Variants in MYO1E observed in about 807,000 individuals in gnomAD.
The protein encoded by MYO1E is myosin IE, also known as unconventional myosin-Ie.
MYO1E carries 68 observed loss-of-function variants against 151.1 expected under a neutral mutation model. The observed-to-expected ratio is 0.45, with a 90% CI of 0.37 to 0.55. The LOEUF is 0.55. Among genes scored for constraint, MYO1E ranks in the 20% least tolerant of loss-of-function variants. MYO1E has a pLI of 0.00. For missense variants in MYO1E, 1,363 were observed against 1,389.3 expected (o/e 0.98, Z 0.30); for synonymous variants, 601 against 501.7 (o/e 1.20, Z -2.64).
chr15:59,160,093 C>T (rs1462026818), intron 24 of MYO1E, among the ~76,000 whole-genome samples: 2 of 152,122 alleles, frequency 1.3e-5, no homozygotes, highest in East Asian at 3.9e-4. Flanking sequence ...GCCTCGGCCT[C>T]CCAAAGTGCA....
In MYO1E at chr15:59,261,498, T is replaced by A; in HGVS notation, c.159A>T (p.Gly53=). The A allele has an allele frequency of 6.3e-7, 1 of 1,598,820 alleles. No homozygotes were observed. Among genetic ancestry groups the A allele is most frequent in the Non-Finnish European group, 8.6e-7 (1 of 1,166,338 alleles). The part of the protein sequence containing the change: ...YMDDYIFTYI[G]SVLISVNPFK... The stretch of plus-strand genomic sequence containing the variant: ...AAGGGTTGACTGAGATTAATACAGA[T>A]CCTATATATGTCTGAATTTAACTCA... Residue 53 remains glycine, a synonymous_variant, in exon 3 of 28, where the codon GGA becomes GGT. Coordinates refer to ENST00000288235, the MANE Select transcript of MYO1E (RefSeq NM_004998.4).
At position 59,372,744 on chromosome 15, in the gene MYO1E, G is replaced by C. The variant is rs1428090216; in HGVS notation, c.-244C>G. The C allele has an allele frequency of 5.4e-6, 3 of 560,202 alleles. No homozygotes were observed. Among genetic ancestry groups the C allele is most frequent in the Non-Finnish European group, 9.4e-6 (3 of 318,838 alleles). The allele number at this position is 560,202 out of a possible 1,614,324, so 34.7% of individuals were successfully genotyped here. ...GCGGGGCGCATGCTGCGGAGGGCAA[G>C]AGTCCACTCGTACTCGCCGGTCGCC... On this transcript the variant is annotated 5_prime_UTR_variant, in exon 1 of 28. Transcript: ENST00000288235.
At chr15:59,320,837 A>AC (rs2080621275) in intron 1 of MYO1E, among the ~76,000 whole-genome samples, 1 of 152,244 alleles carries the variant, frequency 6.6e-6, no homozygotes, top group South Asian at 2.1e-4. Flanking sequence ...GACAGGTGGA[A>AC]CCTGATTAAA....
At chr15:59,214,615 C>G (rs775959482) in intron 11 of MYO1E, 25 bp downstream of exon 11, 1 of 1,559,644 alleles carries the variant, frequency 6.4e-7, no homozygotes, top group South Asian at 1.1e-5. Flanking sequence ...CCTCCTCAAC[C>G]CCTAGTTATT....
At chr15:59,226,447 G>A (rs2079992050) in intron 7 of MYO1E, among the ~76,000 whole-genome samples, 1 of 152,148 alleles carries the variant, frequency 6.6e-6, no homozygotes, top group Non-Finnish European at 1.5e-5. Context: ...TAAGTAAATA[G>A]AACATAAAAA....
At chr15:59,169,043 A>T (rs2079577132) in intron 22 of MYO1E, among the ~76,000 whole-genome samples, 1 of 152,228 alleles carries the variant, frequency 6.6e-6, no homozygotes, top group Non-Finnish European at 1.5e-5. Context: ...CATACCAAAT[A>T]TTTAGTCATG....
rs2079710487 is a variant in MYO1E, at chr15:59,188,170, C to T, written c.1852G>A (p.Val618Met). 2 of 1,614,174 alleles carry T rather than the reference C, an allele frequency of 1.2e-6. No individual in the cohort carries two copies. The highest frequency in any genetic ancestry group is 2.2e-5 in the East Asian group (1 of 44,890). ...CGATAGGCATAGCCAGCTCTTCTCACTCGAATGTTCTCTTTCAGACCCAAA... is the reference window on the plus strand; with the variant it reads ...CGATAGGCATAGCCAGCTCTTCTCATTCGAATGTTCTCTTTCAGACCCAAA... ...EYLGLKENIR[V>M]RRAGYAYRRI... The change falls in exon 18 of 28, where the codon GTG (valine) becomes ATG (methionine). Residue 618 changes from valine to methionine, a missense_variant. By Grantham distance (21) the Val-to-Met change is conservative. Transcript: ENST00000288235.
At chr15:59,172,069 T>C in intron 21 of MYO1E, 27 bp from the exon 22 acceptor site, 1 of 1,611,970 alleles carries the variant, frequency 6.2e-7, no homozygotes, top group South Asian at 1.1e-5. Flanking sequence ...TTTAAGAAGC[T>C]GGACAGGCCA....
intron 22 of MYO1E, among the ~76,000 whole-genome samples, chr15:59,164,078 C>T (rs964882656): frequency 3.3e-5 from 5 of 152,170 alleles, no homozygotes; most frequent in African/African-American, 4.8e-5. Flanking sequence ...GGCAGAGAGA[C>T]GCTGAGGCAG....
At chr15:59,256,093 A>T (rs2080192367) in intron 4 of MYO1E, among the ~76,000 whole-genome samples, 191 bp downstream of exon 4, 2 of 152,238 alleles carry the variant, frequency 1.3e-5, no homozygotes, top group Admixed American at 1.3e-4. Context: ...CAAAAGTTTT[A>T]TGATATGGAG....
chr15:59,304,598 G>T (rs1343903435), intron 1 of MYO1E, among the ~76,000 whole-genome samples: 1 of 152,164 alleles, frequency 6.6e-6, no homozygotes, highest in Non-Finnish European at 1.5e-5. Context: ...AATGGATGTT[G>T]CATCATGGAT....
At chr15:59,285,407 G>C (rs545419049) in intron 1 of MYO1E, among the ~76,000 whole-genome samples, 23 of 144,032 alleles carry the variant, frequency 1.6e-4, no homozygotes, top group African/African-American at 5.4e-4. Context: ...GCCCAGGCTG[G>C]AGTGCAGTGG....
chr15:59,314,556 ATG>A (rs1199163048), intron 1 of MYO1E, among the ~76,000 whole-genome samples: 2 of 152,158 alleles, frequency 1.3e-5, no homozygotes, highest in Non-Finnish European at 2.9e-5. Flanking sequence ...ACTCCCAGAA[ATG>A]GTATAATGGA....
chr15:59,148,425 T>C (rs1369229385), intron 26 of MYO1E, among the ~76,000 whole-genome samples: 4 of 152,190 alleles, frequency 2.6e-5, no homozygotes, highest in Admixed American at 6.5e-5. Context: ...CTTTCGAATA[T>C]CACCTCTTTG....
At chr15:59,321,057 G>A (rs1253230078) in intron 1 of MYO1E, among the ~76,000 whole-genome samples, 1 of 151,804 alleles carries the variant, frequency 6.6e-6, no homozygotes, top group Non-Finnish European at 1.5e-5. Flanking sequence ...CAAACAAGAC[G>A]TACAAACTGT....
chr15:59,346,532 C>G (rs139031069), intron 1 of MYO1E, among the ~76,000 whole-genome samples: 2 of 152,176 alleles, frequency 1.3e-5, no homozygotes, highest in South Asian at 4.2e-4. Flanking sequence ...ATTATAAGAA[C>G]TATGGATAAA....
chr15:59,236,676 A>G lies in MYO1E; in HGVS notation c.333-4T>C, dbSNP rs1360664807. 1.2e-6 allele frequency: 2 copies of G among 1,609,098 alleles called. No individual in the cohort carries two copies. Among genetic ancestry groups the G allele is most frequent in the Non-Finnish European group, 8.5e-7 (1 of 1,175,678 alleles). On this transcript the variant is annotated splice_region_variant and splice_polypyrimidine_tract_variant and intron_variant, in intron 4 of 27. Transcript: ENST00000288235. ...TTTTCCAGCACCACTTTCACCACTA[A>G]AGAAAGACAGACAAAGAATCCACCT...
intron 24 of MYO1E, 70 bp from the exon 25 acceptor site, chr15:59,158,449 A>G: frequency 1.6e-6 from 2 of 1,256,466 alleles, no homozygotes; most frequent in East Asian, 2.5e-5. Context: ...GGTTCTTTGC[A>G]TATGGAAAAT....
chr15:59,360,589 T>TA lies in MYO1E; in HGVS notation c.3+11908dup, dbSNP rs2080879551. Among the ~76,000 whole-genome samples the TA allele has an allele frequency of 6.6e-5, 10 of 152,354 alleles. No individual in the cohort carries two copies. The South Asian group carries it at 1.9e-3, about 28-fold the overall frequency. On this transcript the variant is annotated intron_variant, in intron 1 of 27. Coordinates refer to ENST00000288235, the MANE Select transcript of MYO1E (RefSeq NM_004998.4). ...TTTGTTATTCTTGTAAAGCACCCTT[T>TA]AGCAGATAGAAAATGATTTTCCTTC...
Sources: gnomAD v4.1 joint callset for allele counts (sites outside exome capture counted in the v4.1 genomes callset) on GRCh38, gnomAD v4.1.1 for gene constraint, MANE v1.5 for transcripts, NCBI Gene and HGNC (gene_info 2026-07-23, HGNC 2026-07-21) for gene names.